Variants in DMD observed in about 807,000 individuals in gnomAD.
DMD encodes mutant dystrophin.
A neutral mutation model predicts 330.1 loss-of-function variants in DMD; 63 were observed. That is an observed-to-expected ratio of 0.19 (90% CI 0.16 to 0.24). The LOEUF is 0.24. Among genes scored for constraint, DMD ranks in the 10% least tolerant of loss-of-function variants. The pLI is 1.00. For synonymous variants in DMD, 1,223 were observed against 959.8 expected, an observed-to-expected ratio of 1.27 and a Z score of -5.07; for missense variants, 3,344 against 2,684.1, an observed-to-expected ratio of 1.25 and a Z score of -5.43.
At chrX:32,908,279 G>T (rs1246046332) in intron 2 of DMD, among the ~76,000 whole-genome samples, 1 of 111,715 alleles carries the variant, frequency 9.0e-6, no homozygotes, top group Non-Finnish European at 1.9e-5. Context: ...ATGCAGCAGA[G>T]CACAGCTGCA....
chrX:31,151,634 A>T (rs1245946503), intron 74 of DMD, among the ~76,000 whole-genome samples: 3 of 112,743 alleles, frequency 2.7e-5, no homozygotes, highest in Admixed American at 9.4e-5. Flanking sequence ...CAGTGAAAAC[A>T]GAAAAGGCTC....
At chrX:32,763,626 A>C (rs1171326447) in intron 7 of DMD, among the ~76,000 whole-genome samples, 1 of 112,082 alleles carries the variant, frequency 8.9e-6, no homozygotes, top group Non-Finnish European at 1.9e-5. Flanking sequence ...AATTTTCACA[A>C]TCACATTAAT....
chrX:31,783,590 T>C (rs1359737648), intron 50 of DMD, among the ~76,000 whole-genome samples: 2 of 111,322 alleles, frequency 1.8e-5, no homozygotes, highest in African/African-American at 3.3e-5. Flanking sequence ...AAATTTGTTG[T>C]TGTTTTCACA....
chrX:33,225,332 C>T (rs1312084888), intron 1 of DMD, among the ~76,000 whole-genome samples: 1 of 111,611 alleles, frequency 9.0e-6, no homozygotes, highest in Non-Finnish European at 1.9e-5. Context: ...CTACAGTAAT[C>T]AAGATAGTGT....
intron 29 of DMD, among the ~76,000 whole-genome samples, chrX:32,435,323 C>T (rs956841805): frequency 5.3e-5 from 5 of 94,880 alleles, no homozygotes; most frequent in Admixed American, 1.2e-4. Flanking sequence ...CACACACACA[C>T]AATTTTTGAG....
At chrX:31,552,707 G>C (rs1461230913) in intron 55 of DMD, among the ~76,000 whole-genome samples, 2 of 111,693 alleles carry the variant, frequency 1.8e-5, no homozygotes, top group African/African-American at 3.3e-5. Flanking sequence ...AGCTTGTCTG[G>C]AACAAATTAA....
intron 44 of DMD, among the ~76,000 whole-genome samples, chrX:32,200,029 T>A (rs973342517): frequency 9.0e-6 from 1 of 111,136 alleles, no homozygotes; most frequent in East Asian, 2.8e-4. Flanking sequence ...ACTTTTGATA[T>A]TGAACTTCTT....
At chrX:32,793,492 GAAGTTTGATTTTTAAA>G (rs2075969405) in intron 7 of DMD, among the ~76,000 whole-genome samples, 1 of 109,270 alleles carries the variant, frequency 9.2e-6, no homozygotes, top group Non-Finnish European at 1.9e-5. Context: ...AATGAAATGA[GAAGTTTGATTTTTAAA>G]AAGATGAAAA....
At chrX:31,264,356 C>T (rs1197197469) in intron 62 of DMD, among the ~76,000 whole-genome samples, 2 of 112,024 alleles carry the variant, frequency 1.8e-5, no homozygotes, top group Admixed American at 1.9e-4. Flanking sequence ...CCCCATATAC[C>T]ATGAACAACC....
chrX:31,819,670 T>C (rs1234412396), intron 50 of DMD, among the ~76,000 whole-genome samples: 1 of 112,934 alleles, frequency 8.9e-6, no homozygotes, highest in Non-Finnish European at 1.9e-5. Flanking sequence ...CCTGCGAGAC[T>C]GGCTTAGGCC....
rs184754076 is a variant in DMD at position 31,547,261 on chromosome X, T to C, written c.8218-39808A>G. On this transcript the variant is annotated intron_variant, in intron 55 of 78. Transcript: ENST00000357033. ...TGAAGTCTACAATTTCATATACACATGGTCTTATTAAAAATGAAAGCTGGT... is the reference window on the plus strand; with the variant it reads ...TGAAGTCTACAATTTCATATACACACGGTCTTATTAAAAATGAAAGCTGGT... 1.7e-4 allele frequency among the ~76,000 whole-genome samples: 19 copies of C among 112,173 alleles called. No homozygotes were observed. The East Asian group carries it at 5.3e-3, about 31-fold the overall frequency.
chrX:32,842,746 A>G (rs1479169389), intron 4 of DMD, among the ~76,000 whole-genome samples: 1 of 111,770 alleles, frequency 8.9e-6, no homozygotes, highest in Non-Finnish European at 1.9e-5. Flanking sequence ...TGCAAAGGAC[A>G]TGATCTAATT....
chrX:32,808,368 T>C (rs2148741895), intron 7 of DMD, among the ~76,000 whole-genome samples: 1 of 112,414 alleles, frequency 8.9e-6, no homozygotes, highest in East Asian at 2.8e-4. Flanking sequence ...GTCAATTGTA[T>C]GTGAATATTC....
intron 52 of DMD, among the ~76,000 whole-genome samples, chrX:31,693,755 C>T (rs2083270416): frequency 9.0e-6 from 1 of 111,512 alleles, no homozygotes; most frequent in African/African-American, 3.3e-5. Flanking sequence ...AACTATAAGA[C>T]ACTGACGAAA....
At chrX:32,434,513 A>T (rs1470675403) in intron 29 of DMD, among the ~76,000 whole-genome samples, 1 of 112,559 alleles carries the variant, frequency 8.9e-6, no homozygotes, top group Non-Finnish European at 1.9e-5. Flanking sequence ...CAAATTCAGA[A>T]TTCTTGATTA....
At chrX:32,379,248 C>T (rs2097915673) in intron 34 of DMD, among the ~76,000 whole-genome samples, 2 of 107,969 alleles carry the variant, frequency 1.9e-5, no homozygotes, top group Admixed American at 2.0e-4. Flanking sequence ...AGCTTTGCTC[C>T]TTGACGTTAT....
At chrX:32,784,886 G>T (rs1356401754) in intron 7 of DMD, among the ~76,000 whole-genome samples, 4 of 111,212 alleles carry the variant, frequency 3.6e-5, no homozygotes, top group Non-Finnish European at 7.6e-5. Flanking sequence ...TGGCCTATAT[G>T]CAATTTTCAA....
At chrX:32,821,613 AT>A (rs1344392317) in intron 5 of DMD, among the ~76,000 whole-genome samples, 567 of 109,068 alleles carry the variant, frequency 5.2e-3, no homozygotes, top group African/African-American at 0.018. Context: ...AAAAATAAAA[AT>A]AAAAAATAAA....
At chrX:32,593,943 TGAGA>T (rs1183598465) in intron 13 of DMD, among the ~76,000 whole-genome samples, 2 of 112,321 alleles carry the variant, frequency 1.8e-5, no homozygotes, top group Non-Finnish European at 3.8e-5. Context: ...GCTGAACCTT[TGAGA>T]GAAAGAATCT....
Sources: gnomAD v4.1 joint callset for allele counts (sites outside exome capture counted in the v4.1 genomes callset) on GRCh38, gnomAD v4.1.1 for gene constraint, MANE v1.5 for transcripts, NCBI Gene and HGNC (gene_info 2026-07-23, HGNC 2026-07-21) for gene names.